Variants in KBTBD3 observed in about 807,000 individuals in gnomAD.
KBTBD3 encodes the protein kelch repeat and BTB domain containing 3.
A neutral mutation model predicts 49.6 loss-of-function variants in KBTBD3; 38 were observed. The ratio of observed to expected loss-of-function variants is 0.77; its 90% confidence interval spans 0.59 to 1.00. KBTBD3 has a LOEUF of 1.00. Ranked by LOEUF, KBTBD3 falls within the 50% of genes least tolerant of loss-of-function variation. KBTBD3 has a pLI of 0.00. For synonymous variants in KBTBD3, 214 were observed against 250.4 expected (o/e 0.85, Z 1.37); for missense variants, 661 against 712.0 (o/e 0.93, Z 0.81).
At position 106,053,293 on chromosome 11, in the gene KBTBD3, T is replaced by C. The variant is rs1350385792; in HGVS notation, c.1396A>G (p.Thr466Ala). ...IYVLGSEVEI[T>A]DAFNPSLDCF... ...TCAAGTGATGGGTTAAAAGCATCTG[T>C]AATCTCTACCTCTGATCCAAGAACA... The change falls in exon 4 of 4, where the codon ACA becomes GCA. Residue 466 changes from threonine to alanine, a missense_variant. Coordinates refer to ENST00000531837, the MANE Select transcript of KBTBD3 (RefSeq NM_198439.3). 6.2e-7 allele frequency: 1 copy of C among 1,613,650 alleles called. No individual in the cohort carries two copies. Among genetic ancestry groups the C allele is most frequent in the African/African-American group, 1.3e-5 (1 of 75,036 alleles).
intron 3 of KBTBD3, chr11:106,058,623 C>G: frequency 2.3e-6 from 1 of 429,850 alleles, no homozygotes; most frequent in Non-Finnish European, 4.0e-6. Flanking sequence ...GGAGTTTCAC[C>G]ATGTTGGCCA....
At chr11:106,068,853 C>T (rs1860863103) in intron 2 of KBTBD3, among the ~76,000 whole-genome samples, 1 of 152,088 alleles carries the variant, frequency 6.6e-6, no homozygotes, top group African/African-American at 2.4e-5. Context: ...GAATTATACA[C>T]TATGGCTAAG....
chr11:106,056,947 A>C (rs1405845110), intron 3 of KBTBD3, among the ~76,000 whole-genome samples: 1 of 152,222 alleles, frequency 6.6e-6, no homozygotes, highest in Non-Finnish European at 1.5e-5. Flanking sequence ...AGTATAAGAC[A>C]GTAAGGGCCC....
At chr11:106,063,076 A>T (rs1860736432) in intron 2 of KBTBD3, among the ~76,000 whole-genome samples, 1 of 152,272 alleles carries the variant, frequency 6.6e-6, no homozygotes. Context: ...ATGTTGTTAA[A>T]TAAGATGGCT....
chr11:106,076,885 T>C (rs1591541158), intron 1 of KBTBD3, among the ~76,000 whole-genome samples, 178 bp from the exon 2 acceptor site: 2 of 152,228 alleles, frequency 1.3e-5, no homozygotes, highest in African/African-American at 4.8e-5. Flanking sequence ...GGCTTGGCAA[T>C]AGCAAAACAG....
chr11:106,068,496 AGT>A (rs1413492729), intron 2 of KBTBD3, among the ~76,000 whole-genome samples: 3 of 152,234 alleles, frequency 2.0e-5, no homozygotes, highest in African/African-American at 7.2e-5. Context: ...CAGCTAAAAT[AGT>A]GTGAGAGGAA....
At position 106,053,498 on chromosome 11, in the gene KBTBD3, T is replaced by G. The variant is rs1489005323; in HGVS notation, c.1191A>C (p.Thr397=). The G allele has an allele frequency of 6.2e-7, 1 of 1,613,812 alleles. No homozygotes were observed. The highest frequency in any genetic ancestry group is 1.1e-5 in the South Asian group (1 of 91,074). ...STMKTPRTMH[T]SVMALDRLFV... is the part of the protein sequence containing the mutation. ...ATAATCTATCGAGAGCCATAACTGA[T>G]GTATGCATGGTTCTTGGTGTTTTCA... The change falls in exon 4 of 4, where the codon ACA becomes ACC. Residue 397 remains threonine (T), a synonymous_variant. Coordinates refer to ENST00000531837, the MANE Select transcript of KBTBD3 (RefSeq NM_198439.3).
intron 2 of KBTBD3, among the ~76,000 whole-genome samples, chr11:106,064,264 G>A (rs1190899307): frequency 1.3e-5 from 2 of 152,062 alleles, no homozygotes; most frequent in African/African-American, 2.4e-5. Flanking sequence ...AATAGCCAGG[G>A]ACCGGGAGTG....
intron 2 of KBTBD3, among the ~76,000 whole-genome samples, chr11:106,068,963 T>C (rs1171781441): frequency 6.6e-6 from 1 of 152,062 alleles, no homozygotes; most frequent in Non-Finnish European, 1.5e-5. Context: ...CAAGACCATA[T>C]CAACTGATGC....
chr11:106,072,054 G>A (rs1023698056), intron 2 of KBTBD3, among the ~76,000 whole-genome samples: 6 of 151,962 alleles, frequency 3.9e-5, no homozygotes, highest in Non-Finnish European at 5.9e-5. Context: ...AAACTGACAG[G>A]CATCTTAAAA....
Position 106,076,625 on chromosome 11 carries a change from A to T in KBTBD3, c.-131T>A, listed in dbSNP as rs940698386. 1.3e-5 allele frequency: 2 copies of T among 152,142 alleles called. No homozygotes were observed. The highest frequency in any genetic ancestry group is 4.8e-5 in the African/African-American group (2 of 41,422). 9.4% of individuals were successfully genotyped at this position (152,142 alleles called of 1,614,324 possible). A position where few individuals can be genotyped will look rare whatever the true frequency, so the allele number is the denominator to read the frequency against. Reference sequence around the variant, plus strand: ...CATTTACAGTCATCTGCAGAGACCAACTTTTCCCTGGACCAAAACCTGCAG... The same window carrying T: ...CATTTACAGTCATCTGCAGAGACCATCTTTTCCCTGGACCAAAACCTGCAG... On this transcript the variant is annotated 5_prime_UTR_variant, in exon 2 of 4. It adds an upstream start codon to the 5' untranslated region. Transcript: ENST00000531837.
chr11:106,057,033 T>C (rs149053130), intron 3 of KBTBD3, among the ~76,000 whole-genome samples: 2 of 152,306 alleles, frequency 1.3e-5, no homozygotes, highest in Admixed American at 6.5e-5. Context: ...ATAGTCAAAT[T>C]AGGCAAACAG....
At chr11:106,069,283 G>A (rs898295955) in intron 2 of KBTBD3, among the ~76,000 whole-genome samples, 4 of 151,900 alleles carry the variant, frequency 2.6e-5, no homozygotes, top group African/African-American at 7.3e-5. Context: ...CATATACATC[G>A]GAAAGGAAGA....
At chr11:106,068,734 A>AAGATGGT (rs1860860128) in intron 2 of KBTBD3, among the ~76,000 whole-genome samples, 1 of 32,564 alleles carries the variant, frequency 3.1e-5, no homozygotes, top group South Asian at 2.7e-3. Flanking sequence ...CGGTACCCAA[A>AAGATGGT]ACAAACAAAC....
rs1429983532 is a variant in KBTBD3, at chr11:106,053,505, A to G, written c.1184T>C (p.Met395Thr). Residue 395 changes from methionine (M) to threonine (T), a missense_variant, in exon 4 of 4, where the codon ATG (methionine) becomes ACG (threonine). By Grantham distance (81) the Met-to-Thr change is moderately conservative (BLOSUM62 -1). Coordinates refer to ENST00000531837, the MANE Select transcript of KBTBD3 (RefSeq NM_198439.3). Reference sequence around the variant, plus strand: ...ATCGAGAGCCATAACTGATGTATGCATGGTTCTTGGTGTTTTCATAGTTGA... The same window carrying G: ...ATCGAGAGCCATAACTGATGTATGCGTGGTTCTTGGTGTTTTCATAGTTGA... ...LVSTMKTPRT[M>T]HTSVMALDRL... is the part of the protein sequence containing the mutation. 2.5e-6 allele frequency: 4 copies of G among 1,613,680 alleles called. No individual in the cohort carries two copies. In the Admixed American group the frequency reaches 5.0e-5, roughly 20 times the overall value.
chr11:106,068,960 A>G (rs1374952788), intron 2 of KBTBD3, among the ~76,000 whole-genome samples: 1 of 152,200 alleles, frequency 6.6e-6, no homozygotes, highest in Non-Finnish European at 1.5e-5. Flanking sequence ...ACACAAGACC[A>G]TATCAACTGA....
chr11:106,067,265 C>T (rs1860827362), intron 2 of KBTBD3, among the ~76,000 whole-genome samples: 1 of 152,166 alleles, frequency 6.6e-6, no homozygotes, highest in African/African-American at 2.4e-5. Context: ...TTCTATCGTT[C>T]TCCTCCTACT....
At chr11:106,061,718 T>G (rs1860698743) in intron 2 of KBTBD3, among the ~76,000 whole-genome samples, 1 of 151,914 alleles carries the variant, frequency 6.6e-6, no homozygotes, top group Admixed American at 6.6e-5. Context: ...CTACAAATCT[T>G]GGGTCTTCTC....
intron 2 of KBTBD3, chr11:106,075,553 T>C (rs1335368213): frequency 6.6e-6 from 1 of 152,210 alleles, no homozygotes; most frequent in Non-Finnish European, 1.5e-5. Context: ...ATGAATTACA[T>C]AAACAATACT....
Sources: allele counts gnomAD v4.1 joint callset (sites outside exome capture counted in the v4.1 genomes callset), GRCh38; gene constraint gnomAD v4.1.1; transcripts MANE v1.5; gene names NCBI Gene and HGNC (gene_info 2026-07-23, HGNC 2026-07-21).